The following CXADR variants were observed in gnomAD, a reference collection of about 807,000 sequenced individuals.
The protein encoded by CXADR is CXADR cell adhesion molecule.
In CXADR, 20 loss-of-function variants were observed where a neutral mutation model predicts 40.3. That is an observed-to-expected ratio of 0.50 (90% CI 0.35 to 0.72). The LOEUF (loss-of-function observed/expected upper bound fraction) is 0.72. CXADR is among the 30% of genes least tolerant of loss of function. The probability of loss-of-function intolerance (pLI) is 0.01; values close to 1 mark genes in which losing one functional copy is unlikely to be tolerated. For synonymous variants in CXADR, 150 were observed against 161.3 expected, an observed-to-expected ratio of 0.93 and a Z score of 0.53; for missense variants, 332 against 449.1, an observed-to-expected ratio of 0.74 and a Z score of 2.36.
At chr21:17,554,532 G>A (rs1601009753) in intron 3 of CXADR, among the ~76,000 whole-genome samples, 1 of 152,176 alleles carries the variant, frequency 6.6e-6, no homozygotes, top group Non-Finnish European at 1.5e-5. Flanking sequence ...AGAAAGCAGG[G>A]AAGTGATTGC....
In CXADR at chr21:17,518,335, C is replaced by G. The variant is rs181434430; in HGVS notation, c.43+5163C>G. On this transcript the variant is annotated intron_variant, in intron 1 of 6. Coordinates refer to ENST00000284878, the MANE Select transcript of CXADR (RefSeq NM_001338.5). The stretch of plus-strand genomic sequence containing the variant: ...CTGCACCAATACTTCATATTTTGAC[C>G]AAAAAAATATCCTGAGAGGAAGGCA... Among the ~76,000 whole-genome samples, 1,199 of 151,870 alleles carry G rather than the reference C, an allele frequency of 7.9e-3. 19 individuals are homozygous for G. The highest frequency in any genetic ancestry group is 0.028 in the African/African-American group (1,157 of 41,416).
In CXADR at chr21:17,565,587, G is replaced by A. The variant is rs1242713214; in HGVS notation, c.993G>A (p.Gln331=). 4 of 1,613,368 alleles carry A rather than the reference G, an allele frequency of 2.5e-6. No homozygotes were observed. The highest frequency in any genetic ancestry group is 1.7e-6 in the Non-Finnish European group (2 of 1,179,844). ...GTGAAGACTTTGAACGCACTCCTCA[G>A]AGTCCGACTCTCCCACCTGCTAAGG... ...VPSEDFERTP[Q]SPTLPPAKVA... The change falls in exon 7 of 7, where the codon CAG becomes CAA. Residue 331 remains glutamine, a synonymous_variant. Coordinates refer to ENST00000284878, the MANE Select transcript of CXADR (RefSeq NM_001338.5).
chr21:17,617,297 A>G, the CXADR span, among the ~76,000 whole-genome samples: 10 of 137,856 alleles, frequency 7.3e-5, no homozygotes, highest in African/African-American at 2.8e-4. Context: ...GAGAGGTGCC[A>G]TTATTGTTGT....
chr21:17,619,993 G>C, the CXADR span, among the ~76,000 whole-genome samples: 118 of 152,220 alleles, frequency 7.8e-4, no homozygotes, highest in Non-Finnish European at 1.5e-3. Context: ...GTTGTGGCTG[G>C]TTTGATCTTC....
intron 7 of CXADR, among the ~76,000 whole-genome samples, chr21:17,583,970 G>T (rs985107137): frequency 1.3e-5 from 2 of 152,168 alleles, no homozygotes; most frequent in Non-Finnish European, 2.9e-5. Context: ...GTTAGAAAGG[G>T]ATCCATTATA....
chr21:17,562,803 GC>G (rs907050838), intron 6 of CXADR, among the ~76,000 whole-genome samples: 1 of 152,150 alleles, frequency 6.6e-6, no homozygotes, highest in Non-Finnish European at 1.5e-5. Flanking sequence ...TATGGAAATG[GC>G]CTTTTTCCCT....
Position 17,587,706 on chromosome 21 carries a change from A to G in CXADR, c.1018-5446A>G, listed in dbSNP as rs199576285. ...TAGGTTGCCTGTTCACTCTGATGGT[A>G]GTTTCTTTTGCTGTGCAGAAGCTCT... On this transcript the variant is annotated intron_variant, in intron 7 of 7. Transcript: ENST00000400169. Among the ~76,000 whole-genome samples the G allele has an allele frequency of 6.3e-3, 965 of 152,160 alleles. 57 individuals carry two copies. In the East Asian group the frequency reaches 0.13, roughly 21 times the overall value.
rs187177825 is a variant in CXADR at position 17,531,231 on chromosome 21, G to A, written c.44-15796G>A. Among the ~76,000 whole-genome samples the A allele has an allele frequency of 1.5e-3, 231 of 151,870 alleles. 1 individual carries two copies. The highest frequency in any genetic ancestry group is 5.0e-3 in the African/African-American group (209 of 41,404). On this transcript the variant is annotated intron_variant, in intron 1 of 6. Transcript: ENST00000284878. ...GGAGAATCGCTTGAACCAGGGAGGC[G>A]GAGGTTGCAGTGAGCTGAGTTTGTG...
At chr21:17,548,705 G>A (rs1260931585) in intron 2 of CXADR, among the ~76,000 whole-genome samples, 2 of 152,226 alleles carry the variant, frequency 1.3e-5, no homozygotes, top group African/African-American at 4.8e-5. Flanking sequence ...TGCATGTAGA[G>A]ACCAAGAAGC....
rs546339096 is a variant in CXADR, at chr21:17,516,072, G to A, written c.43+2900G>A. 2.6e-5 allele frequency among the ~76,000 whole-genome samples: 4 copies of A among 152,270 alleles called. No individual in the cohort carries two copies. The East Asian group carries it at 7.7e-4, about 29-fold the overall frequency. On this transcript the variant is annotated intron_variant, in intron 1 of 6. Transcript: ENST00000284878. ...GTAGTAAGCAGTGGCAGTAGCAGTA[G>A]TAGTAAAATTAAACCCTTGATCAGT...
chr21:17,525,410 G>C (rs2060586764), intron 1 of CXADR, among the ~76,000 whole-genome samples: 1 of 152,200 alleles, frequency 6.6e-6, no homozygotes, highest in East Asian at 1.9e-4. Flanking sequence ...TGGATTGACT[G>C]TATGTTTGAA....
chr21:17,555,820 T>G (rs1353651324), intron 3 of CXADR, among the ~76,000 whole-genome samples: 3 of 152,252 alleles, frequency 2.0e-5, no homozygotes, highest in African/African-American at 7.2e-5. Context: ...AACTTTTGCC[T>G]ATTGATTTTA....
chr21:17,547,307 A>G, intron 2 of CXADR, 114 bp downstream of exon 2: 1 of 1,436,904 alleles, frequency 7.0e-7, no homozygotes, highest in African/African-American at 1.4e-5. Flanking sequence ...GAAGCCCCCC[A>G]ACTTCTCAGG....
the CXADR span, among the ~76,000 whole-genome samples, chr21:17,604,547 A>G: frequency 2.0e-5 from 3 of 152,208 alleles, no homozygotes; most frequent in East Asian, 5.8e-4. Context: ...AAGACAGACA[A>G]GTGCACCACC....
At chr21:17,559,587 T>C (rs2061081203) in intron 4 of CXADR, among the ~76,000 whole-genome samples, 1 of 152,026 alleles carries the variant, frequency 6.6e-6, no homozygotes, top group Non-Finnish European at 1.5e-5. Flanking sequence ...TAATATCAAT[T>C]TAGTGTCATA....
intron 7 of CXADR, among the ~76,000 whole-genome samples, chr21:17,587,590 T>C (rs2061406837): frequency 6.6e-6 from 1 of 152,214 alleles, no homozygotes; most frequent in African/African-American, 2.4e-5. Context: ...TGGGGTTGTT[T>C]TTTTCTTGTA....
At chr21:17,514,551 A>G (rs2060434630) in intron 1 of CXADR, among the ~76,000 whole-genome samples, 1 of 114,242 alleles carries the variant, frequency 8.8e-6, no homozygotes, top group Admixed American at 1.0e-4. Flanking sequence ...TTGAGAACAC[A>G]GTGTGTTCTC....
intron 7 of CXADR, among the ~76,000 whole-genome samples, chr21:17,583,458 G>A (rs2061374527): frequency 6.6e-6 from 1 of 152,156 alleles, no homozygotes; most frequent in African/African-American, 2.4e-5. Context: ...AATTTTAAGA[G>A]ATTAACTTGG....
chr21:17,593,516 A>G, exon 8 of CXADR: 1 of 192,266 alleles, frequency 5.2e-6, no homozygotes, highest in Non-Finnish European at 1.1e-5. Context: ...TAGGAAAAGT[A>G]TGGTTAATAG....
Sources: gnomAD v4.1 joint callset for allele counts (sites outside exome capture counted in the v4.1 genomes callset) on GRCh38, gnomAD v4.1.1 for gene constraint, MANE v1.5 for transcripts, NCBI Gene and HGNC (gene_info 2026-07-23, HGNC 2026-07-21) for gene names.